The following MUC5AC variants were observed in gnomAD, a reference collection of about 807,000 sequenced individuals.
MUC5AC encodes the protein mucin 5AC, oligomeric mucus/gel-forming, also known as mucin-5AC.
In MUC5AC, 158 loss-of-function variants were observed where a neutral mutation model predicts 169.7. That is an observed-to-expected ratio of 0.93 (90% confidence interval 0.82 to 1.06). The LOEUF is 1.06. MUC5AC is among the 50% of genes least tolerant of loss of function. The pLI is 0.00. For synonymous variants in MUC5AC, 1,975 were observed against 1,237.0 expected, an observed-to-expected ratio of 1.60 and a Z score of -12.52; for missense variants, 4,359 against 3,089.9, an observed-to-expected ratio of 1.41 and a Z score of -9.74.
chr11:1,158,063 C>T lies in MUC5AC; in HGVS notation c.64C>T (p.Arg22Trp), dbSNP rs77345336. 65 of 1,608,042 alleles carry T rather than the reference C, an allele frequency of 4.0e-5. No individual in the cohort carries two copies. Among genetic ancestry groups the T allele is most frequent in the East Asian group, 1.6e-4 (7 of 44,786 alleles). The stretch of plus-strand genomic sequence containing the variant: ...CCTGGCTCTCGCTCTGGCCTGCACC[C>T]GGCATACAGGTACGGCTTGGCCCCT... Reference protein sequence around the residue: ...WALALALACTRHTGHAQDGSS... With the variant: ...WALALALACTWHTGHAQDGSS... The change falls in exon 1 of 49, where the codon CGG becomes TGG. Residue 22 changes from arginine to tryptophan, a missense_variant. Transcript: ENST00000621226.
At chr11:1,163,757 C>G in intron 6 of MUC5AC, 125 bp from the exon 7 acceptor site, 1 of 721,146 alleles carries the variant, frequency 1.4e-6, no homozygotes, top group African/African-American at 1.8e-5. Context: ...CCAGATGGGG[C>G]AGGAGCCACC....
intron 42 of MUC5AC, 30 bp downstream of exon 42, chr11:1,198,034 G>A (rs1345208179): frequency 3.1e-6 from 2 of 647,044 alleles, no homozygotes; most frequent in Non-Finnish European, 5.6e-6. Context: ...CCCTGTCAGG[G>A]GCCGTGGGCT....
Position 1,188,644 on chromosome 11 carries a change from C to A in MUC5AC, c.10499C>A (p.Thr3500Asn), listed in dbSNP as rs1164534674. Residue 3500 changes from threonine to asparagine, a missense_variant, in exon 31 of 49, where the codon ACC (threonine) becomes AAC (asparagine). Transcript: ENST00000621226. Reference protein sequence around the residue: ...TTTSTASVSKTSTSHVSVSKT... With the variant: ...TTTSTASVSKNSTSHVSVSKT... ...ACCAGCACAGCCTCTGTTTCAAAGA[C>A]CAGCACAAGCCATGTTTCTGTATCC... 6.5e-6 allele frequency: 5 copies of A among 764,938 alleles called. No individual in the cohort carries two copies. Among genetic ancestry groups the A allele is most frequent in the Non-Finnish European group, 7.2e-6 (3 of 417,846 alleles). The allele number at this position is 764,938 out of a possible 1,614,324, so 47.4% of individuals were successfully genotyped here.
At chr11:1,159,352 T>TGCTGTGCGGGGCTGTGCGGG (rs550095618) in intron 1 of MUC5AC, among the ~76,000 whole-genome samples, 3 of 150,220 alleles carry the variant, frequency 2.0e-5, no homozygotes, top group African/African-American at 7.4e-5. Flanking sequence ...ACCATGCTGG[T>TGCTGTGCGGGGCTGTGCGGG]GCTGTGCGGG....
At position 1,182,546 on chromosome 11, in the gene MUC5AC, C is replaced by T; in HGVS notation, c.4401C>T (p.Tyr1467=). The part of the protein sequence containing the change: ...RNREQASGLC[Y]NYQIRVQCCT... ...GGGAGCAGGCATCGGGGCTCTGCTACAACTACCAGATCAGGGTCCAGTGCT... is the reference window on the plus strand; with the variant it reads ...GGGAGCAGGCATCGGGGCTCTGCTATAACTACCAGATCAGGGTCCAGTGCT... Residue 1467 remains tyrosine (Y), a synonymous_variant, in exon 31 of 49, where the codon TAC becomes TAT. Transcript: ENST00000621226. 2.5e-6 allele frequency: 1 copy of T among 398,690 alleles called. No individual in the cohort carries two copies. Among genetic ancestry groups the T allele is most frequent in the Admixed American group, 4.4e-5 (1 of 22,742 alleles). The allele number at this position is 398,690 out of a possible 1,614,324, so 24.7% of individuals were successfully genotyped here.
Position 1,198,975 on chromosome 11 carries a change from C to A in MUC5AC, c.16275C>A (p.Ile5425=). The change falls in exon 44 of 49, where the codon ATC becomes ATA. Residue 5425 remains isoleucine, a synonymous_variant. Transcript: ENST00000621226. ...DAFVVSCETQ[I]CNTHCPVGFE... ...TTGTGGTCAGCTGTGAGACCCAGAT[C>A]TGCAACACACACTGCCCTGTGGTGA... The A allele has an allele frequency of 2.6e-6, 2 of 764,446 alleles. No individual in the cohort carries two copies. Among genetic ancestry groups the A allele is most frequent in the South Asian group, 1.3e-5 (1 of 74,484 alleles). The allele number at this position is 764,446 out of a possible 1,614,324, so 47.4% of individuals were successfully genotyped here. A position where few individuals can be genotyped will look rare whatever the true frequency, so the allele number is the denominator to read the frequency against.
chr11:1,194,461 TC>T, intron 34 of MUC5AC, 25 bp from the exon 35 acceptor site: 2 of 734,326 alleles, frequency 2.7e-6, no homozygotes, highest in South Asian at 1.4e-5. Context: ...CCTTCTGACT[TC>T]CCGTCGACCA....
Position 1,193,678 on chromosome 11 carries a change from G to A in MUC5AC, c.14755+19G>A, listed in dbSNP as rs748090317. 5 of 761,670 alleles carry A rather than the reference G, an allele frequency of 6.6e-6. No individual in the cohort carries two copies. The highest frequency in any genetic ancestry group is 4.8e-4 in the Middle Eastern group (2 of 4,136). The allele number at this position is 761,670 out of a possible 1,614,324, so 47.2% of individuals were successfully genotyped here. The stretch of plus-strand genomic sequence containing the variant: ...TGCCAGTGTGAGTGGAGCGCCGAGC[G>A]GGACCCAGGGCAGCCGGGGCAGCCA... On this transcript the variant is annotated intron_variant, in intron 33 of 48. Coordinates refer to ENST00000621226, the MANE Select transcript of MUC5AC (RefSeq NM_001304359.2).
chr11:1,162,476 G>A (rs1860172451), intron 4 of MUC5AC, 56 bp from the exon 5 acceptor site: 3 of 1,506,816 alleles, frequency 2.0e-6, no homozygotes, highest in East Asian at 4.6e-5. Context: ...CATCTGCCCT[G>A]CCTGGGGTCT....
chr11:1,179,780 C>T (rs1370259516), intron 26 of MUC5AC, among the ~76,000 whole-genome samples: 18 of 151,768 alleles, frequency 1.2e-4, no homozygotes, highest in Non-Finnish European at 1.9e-4. Context: ...CTCTAGCCCA[C>T]ACGGAGCCTT....
intron 1 of MUC5AC, among the ~76,000 whole-genome samples, chr11:1,160,382 G>A (rs533728747): frequency 6.6e-6 from 1 of 152,126 alleles, no homozygotes; most frequent in African/African-American, 2.4e-5. Context: ...CTGCTCCATG[G>A]GGCCAGGCTG....
At position 1,164,333 on chromosome 11, in the gene MUC5AC, C is replaced by A. The variant is rs575420003; in HGVS notation, c.1003+14C>A. 1.9e-6 allele frequency: 3 copies of A among 1,611,726 alleles called. No individual in the cohort carries two copies. The highest frequency in any genetic ancestry group is 2.5e-6 in the Non-Finnish European group (3 of 1,179,726). On this transcript the variant is annotated intron_variant, in intron 8 of 48. Transcript: ENST00000621226. ...CTGACTTCTGCCGTGAGTGTCCCAG[C>A]CCCCTGTCCCCCAACCCCTTTGGCA...
In MUC5AC at chr11:1,197,601, C is replaced by T; in HGVS notation, c.15995C>T (p.Ala5332Val). The change falls in exon 41 of 49, where the codon GCC becomes GTC. Residue 5332 changes from alanine (A) to valine (V), a missense_variant. By Grantham distance (64) the Ala-to-Val change is moderately conservative (BLOSUM62 0). Coordinates refer to ENST00000621226, the MANE Select transcript of MUC5AC (RefSeq NM_001304359.2). The stretch of plus-strand genomic sequence containing the variant: ...CCCGGCTTCGTGCCTGTGCCTGCAG[C>T]CCCACAGGCCGGCCAGTGCTGCCCC... ...PLPGFVPVPA[A>V]PQAGQCCPQY... The T allele has an allele frequency of 1.4e-6, 1 of 726,600 alleles. No homozygotes were observed. The highest frequency in any genetic ancestry group is 1.4e-5 in the South Asian group (1 of 69,188). 45.0% of individuals were successfully genotyped at this position (726,600 alleles called of 1,614,324 possible). A position where few individuals can be genotyped will look rare whatever the true frequency, so the allele number is the denominator to read the frequency against.
rs528036772 is a variant in MUC5AC at position 1,164,009 on chromosome 11, C to G, written c.789+18C>G. The G allele has an allele frequency of 2.3e-5, 37 of 1,608,662 alleles. No individual in the cohort carries two copies. Among genetic ancestry groups the G allele is most frequent in the Non-Finnish European group, 2.9e-5 (34 of 1,177,692 alleles). Reference sequence around the variant, plus strand: ...CTGGCTTTGTAAGCCTTGGAGGGAACAGAGGGCCCAGCAGGTTGAGCAGGA... The same window carrying G: ...CTGGCTTTGTAAGCCTTGGAGGGAAGAGAGGGCCCAGCAGGTTGAGCAGGA... On this transcript the variant is annotated intron_variant, in intron 7 of 48. Coordinates refer to ENST00000621226, the MANE Select transcript of MUC5AC (RefSeq NM_001304359.2).
At position 1,168,995 on chromosome 11, in the gene MUC5AC, C is replaced by T. The variant is rs761885744; in HGVS notation, c.1839C>T (p.Phe613=). Residue 613 remains phenylalanine, a synonymous_variant, in exon 15 of 49, where the codon TTC becomes TTT. Coordinates refer to ENST00000621226, the MANE Select transcript of MUC5AC (RefSeq NM_001304359.2). ...QAACPNIRNS[F]EDPCSLSVEN... ...CCTGCCCCAACATCAGGAACAGCTT[C>T]GAGGACCCCTGCTCTCTGAGCGTGG... 33 of 1,606,528 alleles carry T rather than the reference C, an allele frequency of 2.1e-5. No individual in the cohort carries two copies. The highest frequency in any genetic ancestry group is 1.5e-4 in the South Asian group (14 of 90,374).
intron 33 of MUC5AC, 97 bp from the exon 34 acceptor site, chr11:1,194,013 G>T (rs978320606): frequency 7.6e-5 from 53 of 700,516 alleles, no homozygotes; most frequent in Non-Finnish European, 1.1e-4. Flanking sequence ...TGAGACGGTG[G>T]GGGGTCAGGG....
Position 1,195,221 on chromosome 11 carries a change from C to G in MUC5AC, c.15400C>G (p.Pro5134Ala), listed in dbSNP as rs761811137. ...PTTVGSTTVG[P>A]TTPPAPCLPS... Reference sequence around the variant, plus strand: ...CACAGTTGGGTCTACCACGGTCGGGCCCACCACACCGCCTGCTCCGTGCCT... The same window carrying G: ...CACAGTTGGGTCTACCACGGTCGGGGCCACCACACCGCCTGCTCCGTGCCT... The change falls in exon 36 of 49, where the codon CCC becomes GCC. Residue 5134 changes from proline to alanine, a missense_variant. Pro to Ala is a conservative substitution (Grantham distance 27). Transcript: ENST00000621226. The G allele has an allele frequency of 3.9e-6, 3 of 764,792 alleles. No homozygotes were observed. Among genetic ancestry groups the G allele is most frequent in the Non-Finnish European group, 7.2e-6 (3 of 417,738 alleles). The allele number at this position is 764,792 out of a possible 1,614,324, so 47.4% of individuals were successfully genotyped here. A position where few individuals can be genotyped will look rare whatever the true frequency, so the allele number is the denominator to read the frequency against.
rs1161859817 is a variant in MUC5AC at position 1,171,942 on chromosome 11, TTCACTCACTCAC to T, written c.1871-455_1871-444del. On this transcript the variant is annotated intron_variant, in intron 15 of 48. Transcript: ENST00000621226. ...ACTCACTCACTCACTCATCCACTCA[TTCACTCACTCAC>T]TCACTCACTCACTCACTCACTCACT... 1.4e-4 allele frequency among the ~76,000 whole-genome samples: 12 copies of T among 85,754 alleles called. No individual in the cohort carries two copies. In the South Asian group the frequency reaches 1.5e-3, roughly 11 times the overall value. 56.3% of individuals were successfully genotyped at this position (85,754 alleles called of 152,430 possible).
Position 1,186,174 on chromosome 11 carries a change from A to G in MUC5AC, c.8029A>G (p.Thr2677Ala), listed in dbSNP as rs1233840353. 94 of 747,482 alleles carry G rather than the reference A, an allele frequency of 1.3e-4. No homozygotes were observed. The African/African-American group carries it at 1.4e-3, about 11-fold the overall frequency. 46.3% of individuals were successfully genotyped at this position (747,482 alleles called of 1,614,324 possible). Residue 2677 changes from threonine (T) to alanine (A), a missense_variant, in exon 31 of 49, where the codon ACT becomes GCT. Thr to Ala is a moderately conservative substitution (Grantham distance 58). Transcript: ENST00000621226. ...STISVPTTST[T>A]SASTTSTTSA... ...AATCTCTGTTCCTACCACCAGCACA[A>G]CTTCTGCTTCTACAACCAGCACAAC... is the stretch of plus-strand genomic sequence containing the variant.
Sources: allele counts gnomAD v4.1 joint callset (sites outside exome capture counted in the v4.1 genomes callset), GRCh38; gene constraint gnomAD v4.1.1; transcripts MANE v1.5; gene names NCBI Gene and HGNC (gene_info 2026-07-23, HGNC 2026-07-21).